Variants in HDAC11 observed in about 807,000 individuals in gnomAD.
HDAC11 encodes histone deacetylase 11.
Under a neutral mutation model 41.1 loss-of-function variants are expected in HDAC11, and 23 were observed. The ratio of observed to expected loss-of-function variants is 0.56; its 90% CI spans 0.40 to 0.79. The LOEUF (loss-of-function observed/expected upper bound fraction) is 0.79. HDAC11 is among the 30% of genes least tolerant of loss of function. The pLI is 0.00. For synonymous variants in HDAC11, 187 were observed against 186.6 expected, an observed-to-expected ratio of 1.00 and a Z score of -0.02; for missense variants, 402 against 477.3, an observed-to-expected ratio of 0.84 and a Z score of 1.47.
rs375926152 is a variant in HDAC11, at chr3:13,500,591, C to T, written c.413-122C>T. The stretch of plus-strand genomic sequence containing the variant: ...CAGCTTAGTTTGCCAACCCAGAGTC[C>T]GAGGCACAGGTTCCTGAGAGCTGAG... On this transcript the variant is annotated intron_variant, in intron 5 of 9. Transcript: ENST00000295757. The T allele has an allele frequency of 3.4e-4, 273 of 794,440 alleles. No homozygotes were observed. The East Asian group carries it at 5.8e-3, about 17-fold the overall frequency. 49.2% of individuals were successfully genotyped at this position (794,440 alleles called of 1,614,324 possible).
At chr3:13,500,237 G>C (rs1702293219) in intron 5 of HDAC11, among the ~76,000 whole-genome samples, 1 of 152,124 alleles carries the variant, frequency 6.6e-6, no homozygotes, top group Non-Finnish European at 1.5e-5. Flanking sequence ...GGGCTCTGAG[G>C]CTGTGTCTCA....
Position 13,504,969 on chromosome 3 carries a change from G to C in HDAC11, c.*286G>C. On this transcript the variant is annotated 3_prime_UTR_variant, in exon 10 of 10. Coordinates refer to ENST00000295757, the MANE Select transcript of HDAC11 (RefSeq NM_024827.4). ...GAGGCAGGCAGTTAACTGAGAATTG[G>C]AGAGGACAGGCTAGGTCCCAGGCAC... is the stretch of plus-strand genomic sequence containing the variant. 7.8e-6 allele frequency: 4 copies of C among 515,268 alleles called. No homozygotes were observed. Among genetic ancestry groups the C allele is most frequent in the South Asian group, 2.1e-5 (1 of 47,144 alleles). The allele number at this position is 515,268 out of a possible 1,614,324, so 31.9% of individuals were successfully genotyped here. A position where few individuals can be genotyped will look rare whatever the true frequency, so the allele number is the denominator to read the frequency against.
At chr3:13,481,818 C>G (rs1196463994) in intron 2 of HDAC11, among the ~76,000 whole-genome samples, 2 of 152,180 alleles carry the variant, frequency 1.3e-5, no homozygotes, top group Non-Finnish European at 2.9e-5. Context: ...CAATTCCAGT[C>G]CAGTCCTCAC....
In HDAC11 at chr3:13,500,782, C is replaced by A; in HGVS notation, c.482C>A (p.Ala161Asp). The change falls in exon 6 of 10, where the codon GCC becomes GAC. Residue 161 changes from alanine (A) to aspartate (D), a missense_variant. Physicochemically the swap from Ala to Asp is moderately radical, Grantham distance 126 (BLOSUM62 -2). Transcript: ENST00000295757. ...TGTGCCTATGCGGACATCACGCTCGCCATCAAGGTGTGTCTATGAGCAAGT... is the reference window on the plus strand; with the variant it reads ...TGTGCCTATGCGGACATCACGCTCGACATCAAGGTGTGTCTATGAGCAAGT... Reference protein sequence around the residue: ...GFCAYADITLAIKFLFERVEG... With the variant: ...GFCAYADITLDIKFLFERVEG... 1 of 1,569,270 alleles carries A rather than the reference C, an allele frequency of 6.4e-7. No homozygotes were observed. Among genetic ancestry groups the A allele is most frequent in the Non-Finnish European group, 8.7e-7 (1 of 1,154,698 alleles).
chr3:13,494,216 G>T (rs56751099), intron 3 of HDAC11, among the ~76,000 whole-genome samples: 2,398 of 152,332 alleles, frequency 0.016, 49 homozygotes, highest in African/African-American at 0.054. Flanking sequence ...TTGTCTTCCA[G>T]TCTGTGTCCC....
In HDAC11 at chr3:13,496,171, AC is replaced by A. The variant is rs576188127; in HGVS notation, c.253-558del. Reference sequence around the variant, plus strand: ...TGCAGATACCTTTCAGGTACCGTAGACCCCCCCAGCCTCAGCAGCTGGAGAT... The same window carrying A: ...TGCAGATACCTTTCAGGTACCGTAGACCCCCCAGCCTCAGCAGCTGGAGAT... On this transcript the variant is annotated intron_variant, in intron 3 of 9. Transcript: ENST00000295757. Among the ~76,000 whole-genome samples, 86 of 151,626 alleles carry A rather than the reference AC, an allele frequency of 5.7e-4. 2 individuals carry two copies. The South Asian group carries it at 0.015, about 27-fold the overall frequency.
intron 3 of HDAC11, among the ~76,000 whole-genome samples, chr3:13,485,086 T>C (rs930915507): frequency 4.6e-5 from 7 of 152,368 alleles, no homozygotes; most frequent in Non-Finnish European, 1.0e-4. Flanking sequence ...AGAAAGAGGC[T>C]GTGCTCAAGG....
At chr3:13,503,116 T>C in intron 8 of HDAC11, 136 bp downstream of exon 8, 2 of 608,908 alleles carry the variant, frequency 3.3e-6, no homozygotes, top group South Asian at 4.4e-5. Context: ...TCCTTTCCAT[T>C]TTACAGATGA....
chr3:13,493,259 C>T (rs1273271073), intron 3 of HDAC11, among the ~76,000 whole-genome samples: 1 of 152,172 alleles, frequency 6.6e-6, no homozygotes, highest in East Asian at 1.9e-4. Context: ...CCCTGAGCTC[C>T]TCCTACCTGC....
intron 4 of HDAC11, 54 bp from the exon 5 acceptor site, chr3:13,498,459 A>C: frequency 6.2e-7 from 1 of 1,608,474 alleles, no homozygotes; most frequent in South Asian, 1.1e-5. Flanking sequence ...TCAGTGAATG[A>C]ATGACTGGTG....
At chr3:13,489,349 T>C (rs9829339) in intron 3 of HDAC11, among the ~76,000 whole-genome samples, 7,083 of 152,238 alleles carry the variant, frequency 0.047, 305 homozygotes, top group African/African-American at 0.11. Context: ...AGTTTTATAG[T>C]TTTCACTTAT....
At chr3:13,485,871 GA>G (rs34031774) in intron 3 of HDAC11, among the ~76,000 whole-genome samples, 1 of 152,138 alleles carries the variant, frequency 6.6e-6, no homozygotes, top group African/African-American at 2.4e-5. Flanking sequence ...TATGTCCACT[GA>G]AAAAGTTAAC....
chr3:13,504,253 G>A lies in HDAC11; in HGVS notation c.809G>A (p.Gly270Glu). ...ATCCTCGAGGGGGACCGCCTTGGGG[G>A]GCTGTCCATCAGCCCAGCGGTACGT... ...TDILEGDRLG[G>E]LSISPAGIVK... The change falls in exon 9 of 10, where the codon GGG (glycine) becomes GAG (glutamate). Residue 270 changes from glycine (G) to glutamate (E), a missense_variant. Gly to Glu is a moderately conservative substitution (Grantham distance 98). Transcript: ENST00000295757. 4 of 1,613,396 alleles carry A rather than the reference G, an allele frequency of 2.5e-6. No homozygotes were observed. The highest frequency in any genetic ancestry group is 3.4e-6 in the Non-Finnish European group (4 of 1,180,012).
chr3:13,504,181 TC>T lies in HDAC11; in HGVS notation c.739del (p.Gln247ArgfsTer33). On this transcript the variant is annotated frameshift_variant, in exon 9 of 10. Transcript: ENST00000295757. LOFTEE classifies it high-confidence loss of function. ...GTGGAGAGGAACATCAAGAAATCCCTCCAGGAGCACCTGCCCGACGTGGTGG... is the reference window on the plus strand; with the variant it reads ...GTGGAGAGGAACATCAAGAAATCCCTCAGGAGCACCTGCCCGACGTGGTGG... ...DKVERNIKKS[L>X]QEHLPDVVVY... 6.2e-7 allele frequency: 1 copy of T among 1,614,004 alleles called. No homozygotes were observed. Among genetic ancestry groups the T allele is most frequent in the South Asian group, 1.1e-5 (1 of 91,080 alleles).
intron 3 of HDAC11, among the ~76,000 whole-genome samples, chr3:13,487,311 C>T (rs1384191924): frequency 2.6e-5 from 4 of 152,194 alleles, no homozygotes; most frequent in African/African-American, 9.6e-5. Context: ...TCAGGTTTCT[C>T]AGGCTGCTTT....
intron 2 of HDAC11, 132 bp downstream of exon 2, chr3:13,481,526 C>T: frequency 1.0e-6 from 1 of 983,772 alleles, no homozygotes; most frequent in South Asian, 1.6e-5. Flanking sequence ...TCCACCCATG[C>T]TTCCGCCCAA....
In HDAC11 at chr3:13,481,213, C is replaced by G. The variant is rs202207158; in HGVS notation, c.3-33C>G. The stretch of plus-strand genomic sequence containing the variant: ...GGAGCTGCTTTCTGCCGAGGCTGCC[C>G]CAGCTGTGCGTCTGTCTTTTTCCAC... On this transcript the variant is annotated intron_variant, in intron 1 of 9. Coordinates refer to ENST00000295757, the MANE Select transcript of HDAC11 (RefSeq NM_024827.4). 64 of 1,601,340 alleles carry G rather than the reference C, an allele frequency of 4.0e-5. 1 individual carries two copies. The highest frequency in any genetic ancestry group is 2.4e-4 in the Admixed American group (14 of 59,192).
intron 5 of HDAC11, among the ~76,000 whole-genome samples, chr3:13,499,332 G>T (rs1029399468): frequency 5.3e-5 from 8 of 152,144 alleles, no homozygotes; most frequent in African/African-American, 1.9e-4. Context: ...ACCATGCCCG[G>T]CTAATTTTGT....
At chr3:13,500,204 GGA>G (rs1702290745) in intron 5 of HDAC11, among the ~76,000 whole-genome samples, 1 of 152,122 alleles carries the variant, frequency 6.6e-6, no homozygotes, top group South Asian at 2.1e-4. Context: ...GGGCTGCAGG[GGA>G]GGGGGTATCT....
Sources: gnomAD v4.1 joint callset for allele counts (sites outside exome capture counted in the v4.1 genomes callset) on GRCh38, gnomAD v4.1.1 for gene constraint, MANE v1.5 for transcripts, NCBI Gene and HGNC (gene_info 2026-07-23, HGNC 2026-07-21) for gene names.